Variants in PHACTR2 observed in about 807,000 individuals in gnomAD.
The protein encoded by PHACTR2 is phosphatase and actin regulator 2, also known as chromosome 6 open reading frame 56.
Under a neutral mutation model 76.0 loss-of-function variants are expected in PHACTR2, and 30 were observed. The observed-to-expected ratio is 0.39, with a 90% CI of 0.30 to 0.54. The LOEUF (loss-of-function observed/expected upper bound fraction) is 0.54, where lower values mean the gene tolerates loss of function less well. Among genes scored for constraint, PHACTR2 ranks in the 20% least tolerant of loss-of-function variants. PHACTR2 has a pLI of 0.61. For synonymous variants in PHACTR2, 292 were observed against 292.5 expected, an observed-to-expected ratio of 1.00 and a Z score of 0.02; for missense variants, 696 against 781.1, an observed-to-expected ratio of 0.89 and a Z score of 1.30.
Position 143,547,178 on chromosome 6 carries a change from CAA to C in PHACTR2, c.217+9974_217+9975del, listed in dbSNP as rs1239001922. On this transcript the variant is annotated intron_variant, in intron 1 of 11. Transcript: ENST00000367584. The surrounding 1 kb of genome is among the most constrained non-coding windows in gnomAD (Gnocchi z 4.2). ...TCTTATTAGGCAAAACAGTGTTCAACAAAAGTTTTGTGACTAAAATATGTGAC... is the reference window on the plus strand; with the variant it reads ...TCTTATTAGGCAAAACAGTGTTCAACAAGTTTTGTGACTAAAATATGTGAC... 6.6e-6 allele frequency among the ~76,000 whole-genome samples: 1 copy of C among 152,118 alleles called. No homozygotes were observed. Among genetic ancestry groups the C allele is most frequent in the Non-Finnish European group, 1.5e-5 (1 of 68,004 alleles).
rs1260402334 is a variant in PHACTR2, at chr6:143,757,502, G to T, written c.455-2899G>T. Among the ~76,000 whole-genome samples, 1 of 152,184 alleles carries T rather than the reference G, an allele frequency of 6.6e-6. No homozygotes were observed. The highest frequency in any genetic ancestry group is 1.5e-5 in the Non-Finnish European group (1 of 68,038). ...GGGTGAGGACCACATGCAGCCCCAG[G>T]CTTGTTCTAAGTATCGTTGACCTCA... On this transcript the variant is annotated intron_variant, in intron 4 of 12. Coordinates refer to ENST00000440869, the MANE Select transcript of PHACTR2 (RefSeq NM_001100164.2). This position sits in a 1 kb window ranked among gnomAD's most constrained non-coding sequence, Gnocchi z 4.2.
rs774746285 is a variant in PHACTR2, at chr6:143,772,297, G to C, written c.1272G>C (p.Gln424His). The C allele has an allele frequency of 1.9e-6, 3 of 1,614,080 alleles. No homozygotes were observed. The highest frequency in any genetic ancestry group is 2.5e-6 in the Non-Finnish European group (3 of 1,179,964). Residue 424 changes from glutamine to histidine, a missense_variant, in exon 7 of 13, where the codon CAG becomes CAC. Gln to His is a conservative substitution (Grantham distance 24, BLOSUM62 0). Transcript: ENST00000440869. The surrounding 1 kb of genome is among the most constrained non-coding windows in gnomAD (Gnocchi z 5.4). ...TKEELGKTVPQLLTPGLMGES... is the reference protein window; with the variant it reads ...TKEELGKTVPHLLTPGLMGES... ...AGGAGCTGGGGAAGACAGTGCCTCA[G>C]CTACTGACTCCTGGGCTGATGGGCG...
chr6:143,576,896 A>G (rs565395776), intron 1 of PHACTR2, among the ~76,000 whole-genome samples: 1 of 147,290 alleles, frequency 6.8e-6, no homozygotes, highest in South Asian at 2.1e-4. Flanking sequence ...AAAAAAAAAA[A>G]AAAAAAAAAA....
Position 143,683,785 on chromosome 6 carries a change from TG to T in PHACTR2, c.46+5578del, listed in dbSNP as rs770050724. On this transcript the variant is annotated intron_variant, in intron 1 of 12. Transcript: ENST00000440869. This position sits in a 1 kb window ranked among gnomAD's most constrained non-coding sequence, Gnocchi z 4.1. Reference sequence around the variant, plus strand: ...TGGTAGGAAGTCAAACATTACAAGATGGTTTGGGATAAAAATGAATTTACTC... The same window carrying T: ...TGGTAGGAAGTCAAACATTACAAGATGTTTGGGATAAAAATGAATTTACTC... Among the ~76,000 whole-genome samples, 1 of 152,198 alleles carries T rather than the reference TG, an allele frequency of 6.6e-6. No homozygotes were observed. Among genetic ancestry groups the T allele is most frequent in the Non-Finnish European group, 1.5e-5 (1 of 68,042 alleles).
In PHACTR2 at chr6:143,783,162, T is replaced by C; in HGVS notation, c.1646-57T>C. On this transcript the variant is annotated intron_variant, in intron 9 of 12. Transcript: ENST00000440869. The surrounding 1 kb of genome is among the most constrained non-coding windows in gnomAD (Gnocchi z 5.2). ...ATGATCGTGGCCTGATACACTTTTC[T>C]GAATATGAAATCATCTATAGTAACT... The C allele has an allele frequency of 1.9e-6, 2 of 1,063,608 alleles. No individual in the cohort carries two copies. Among genetic ancestry groups the C allele is most frequent in the Non-Finnish European group, 1.4e-6 (1 of 690,820 alleles). 65.9% of individuals were successfully genotyped at this position (1,063,608 alleles called of 1,614,324 possible).
chr6:143,652,580 A>C lies in PHACTR2; in HGVS notation c.13+44258A>C, dbSNP rs1776782805. Reference sequence around the variant, plus strand: ...CACTTAAGTGTTTTTGTTTTCCACTATGCTAGGTCAGTTTTCAGATCTTAT... The same window carrying C: ...CACTTAAGTGTTTTTGTTTTCCACTCTGCTAGGTCAGTTTTCAGATCTTAT... On this transcript the variant is annotated intron_variant, in intron 1 of 11. Transcript: ENST00000305766. This position sits in a 1 kb window ranked among gnomAD's most constrained non-coding sequence, Gnocchi z 4.5. 6.6e-6 allele frequency among the ~76,000 whole-genome samples: 1 copy of C among 152,230 alleles called. No individual in the cohort carries two copies. The highest frequency in any genetic ancestry group is 1.5e-5 in the Non-Finnish European group (1 of 68,044).
At chr6:143,723,289 G>A (rs1778484091) in intron 2 of PHACTR2, among the ~76,000 whole-genome samples, 1 of 152,164 alleles carries the variant, frequency 6.6e-6, no homozygotes, top group Non-Finnish European at 1.5e-5. Flanking sequence ...TTCCACTCAG[G>A]ACTTCTGACT....
chr6:143,645,565 A>T (rs752943879), intron 1 of PHACTR2, among the ~76,000 whole-genome samples: 4 of 152,184 alleles, frequency 2.6e-5, no homozygotes, highest in Non-Finnish European at 4.4e-5. Flanking sequence ...TGTGGCGCTA[A>T]AGTGTTTGGC....
intron 11 of PHACTR2, among the ~76,000 whole-genome samples, chr6:143,805,911 CT>C (rs1776053245): frequency 6.6e-6 from 1 of 152,094 alleles, no homozygotes; most frequent in Admixed American, 6.6e-5. Context: ...GGCCTCAGGG[CT>C]TTTTTTCTGT....
rs892588229 is a variant in PHACTR2 at position 143,754,217 on chromosome 6, G to A, written c.454+305G>A. 5.4e-6 allele frequency: 1 copy of A among 183,560 alleles called. No individual in the cohort carries two copies. Among genetic ancestry groups the A allele is most frequent in the Non-Finnish European group, 1.1e-5 (1 of 87,956 alleles). The allele number at this position is 183,560 out of a possible 1,614,324, so 11.4% of individuals were successfully genotyped here. On this transcript the variant is annotated intron_variant, in intron 4 of 12. Transcript: ENST00000440869. This position sits in a 1 kb window ranked among gnomAD's most constrained non-coding sequence, Gnocchi z 6.2. ...CTGGGAAGATTATCCTTTCTTAGGA[G>A]CTTTGTCTCAGGATCATAATGAAAG...
At chr6:143,587,096 A>G (rs1775638582) in intron 1 of PHACTR2, among the ~76,000 whole-genome samples, 1 of 152,222 alleles carries the variant, frequency 6.6e-6, no homozygotes, top group Admixed American at 6.5e-5. Context: ...ACCAGTGTTC[A>G]TTTAATTTTA....
intron 5 of PHACTR2, among the ~76,000 whole-genome samples, chr6:143,762,906 G>A (rs997341274): frequency 6.6e-6 from 1 of 152,020 alleles, no homozygotes; most frequent in African/African-American, 2.4e-5. Context: ...TTAATTGAAG[G>A]TAACTTAAGC....
Position 143,695,165 on chromosome 6 carries a change from A to T in PHACTR2, c.47-16851A>T, listed in dbSNP as rs1477099238. 6.6e-6 allele frequency among the ~76,000 whole-genome samples: 1 copy of T among 152,240 alleles called. No individual in the cohort carries two copies. Among genetic ancestry groups the T allele is most frequent in the Non-Finnish European group, 1.5e-5 (1 of 68,042 alleles). On this transcript the variant is annotated intron_variant, in intron 1 of 12. Coordinates refer to ENST00000440869, the MANE Select transcript of PHACTR2 (RefSeq NM_001100164.2). The surrounding 1 kb of genome is among the most constrained non-coding windows in gnomAD (Gnocchi z 4.4). ...TGCCTTGAGATGGCGAGATACAAGC[A>T]TTCTACAAAGGCTGCAAACAAGACT...
chr6:143,786,113 T>A (rs1342640747), intron 10 of PHACTR2, among the ~76,000 whole-genome samples: 2 of 152,358 alleles, frequency 1.3e-5, no homozygotes, highest in African/African-American at 4.8e-5. Flanking sequence ...TCTGAACTTT[T>A]ATGCTCTGTT....
Position 143,684,092 on chromosome 6 carries a change from T to C in PHACTR2, c.46+5883T>C, listed in dbSNP as rs1032911370. Among the ~76,000 whole-genome samples the C allele has an allele frequency of 2.6e-5, 4 of 152,216 alleles. No homozygotes were observed. The highest frequency in any genetic ancestry group is 5.9e-5 in the Non-Finnish European group (4 of 68,038). Reference sequence around the variant, plus strand: ...ATTTTAATATTGTTCCTGGGTTCTTTGCATATGTATATGCTCTTATGAACA... The same window carrying C: ...ATTTTAATATTGTTCCTGGGTTCTTCGCATATGTATATGCTCTTATGAACA... On this transcript the variant is annotated intron_variant, in intron 1 of 12. Coordinates refer to ENST00000440869, the MANE Select transcript of PHACTR2 (RefSeq NM_001100164.2). The surrounding 1 kb of genome is among the most constrained non-coding windows in gnomAD (Gnocchi z 4.3).
intron 1 of PHACTR2, among the ~76,000 whole-genome samples, chr6:143,579,329 G>GA (rs911382062): frequency 4.6e-5 from 7 of 152,162 alleles, no homozygotes; most frequent in Admixed American, 3.9e-4. Context: ...CAAAAAATTT[G>GA]CATAAAGGAG....
At chr6:143,563,137 C>A (rs1775305321) in intron 1 of PHACTR2, among the ~76,000 whole-genome samples, 1 of 151,930 alleles carries the variant, frequency 6.6e-6, no homozygotes, top group Admixed American at 6.6e-5. Flanking sequence ...TACCACAATT[C>A]TTTTTTTAAA....
intron 6 of PHACTR2, among the ~76,000 whole-genome samples, chr6:143,768,144 AT>A (rs1432917586): frequency 2.7e-4 from 41 of 152,272 alleles, no homozygotes; most frequent in African/African-American, 8.9e-4. Context: ...CTAGGATTAA[AT>A]TTTAACCCAT....
chr6:143,745,647 T>C (rs1484147185), intron 2 of PHACTR2, among the ~76,000 whole-genome samples: 1 of 152,260 alleles, frequency 6.6e-6, no homozygotes, highest in African/African-American at 2.4e-5. Context: ...AAGAATGAGA[T>C]ACTTGTACTG....
Sources: gnomAD v4.1 joint callset for allele counts (sites outside exome capture counted in the v4.1 genomes callset) on GRCh38, gnomAD v4.1.1 for gene constraint, Gnocchi (gnomAD v3.1) non-coding constraint, MANE v1.5 for transcripts, NCBI Gene and HGNC (gene_info 2026-07-23, HGNC 2026-07-21) for gene names.